The following UNC79 variants were observed in gnomAD, a reference collection of about 807,000 sequenced individuals.
UNC79 encodes protein unc-79 homolog.
A neutral mutation model predicts 283.1 loss-of-function variants in UNC79; 37 were observed. The observed-to-expected ratio is 0.13, with a 90% CI of 0.10 to 0.17. UNC79 has a LOEUF of 0.17. Ranked by LOEUF, UNC79 falls within the 10% of genes least tolerant of loss-of-function variation. UNC79 has a pLI of 1.00. For missense variants in UNC79, 2,272 were observed against 3,211.1 expected (o/e 0.71, Z 7.07); for synonymous variants, 1,107 against 1,200.2 (o/e 0.92, Z 1.61).
chr14:93,534,172 C>A (rs2060957022), intron 11 of UNC79, among the ~76,000 whole-genome samples: 1 of 152,196 alleles, frequency 6.6e-6, no homozygotes, highest in Non-Finnish European at 1.5e-5. Flanking sequence ...TCCTCTGTCT[C>A]CAGGAATAGC....
At chr14:93,469,332 T>C (rs561481827) in intron 2 of UNC79, among the ~76,000 whole-genome samples, 59 of 152,312 alleles carry the variant, frequency 3.9e-4, no homozygotes, top group Admixed American at 3.5e-3. Flanking sequence ...GCAACTGAGC[T>C]GAGTTCATTT....
At chr14:93,401,300 G>A (rs2055103524) in intron 1 of UNC79, among the ~76,000 whole-genome samples, 4 of 152,170 alleles carry the variant, frequency 2.6e-5, no homozygotes, top group Admixed American at 1.3e-4. Flanking sequence ...AGTTTTTGAG[G>A]GGTAGGATAC....
At chr14:93,522,829 A>G (rs559925190) in intron 7 of UNC79, among the ~76,000 whole-genome samples, 5 of 152,238 alleles carry the variant, frequency 3.3e-5, no homozygotes, top group South Asian at 2.1e-4. Context: ...TCTGGTAACT[A>G]TATTTCCGTG....
chr14:93,677,154 C>T (rs1464199816), intron 41 of UNC79, among the ~76,000 whole-genome samples: 1 of 152,120 alleles, frequency 6.6e-6, no homozygotes, highest in African/African-American at 2.4e-5. Flanking sequence ...ATTTTTATTT[C>T]TAATCAGAGA....
At chr14:93,392,258 T>C (rs978514128) in intron 1 of UNC79, among the ~76,000 whole-genome samples, 7 of 152,144 alleles carry the variant, frequency 4.6e-5, no homozygotes, top group Non-Finnish European at 8.8e-5. Flanking sequence ...ATGTAACAAA[T>C]GACAGCTTCA....
intron 3 of UNC79, among the ~76,000 whole-genome samples, chr14:93,476,085 G>A (rs976343439): frequency 2.0e-5 from 3 of 152,122 alleles, no homozygotes; most frequent in African/African-American, 2.4e-5. Context: ...CCCACCCGGG[G>A]ACTAGTTACT....
At position 93,617,739 on chromosome 14, in the gene UNC79, C is replaced by G. The variant is rs2066830501; in HGVS notation, c.4224+435C>G. On this transcript the variant is annotated intron_variant, in intron 28 of 48. Coordinates refer to ENST00000555664, the Ensembl canonical transcript of UNC79. This position sits in a 1 kb window ranked among gnomAD's most constrained non-coding sequence, Gnocchi z 4.5. ...GTGAAGGAGGAAATGAATATGGTCC[C>G]TTGTAAAAATAAGGCCATGGGGGAG... Among the ~76,000 whole-genome samples, 1 of 152,062 alleles carries G rather than the reference C, an allele frequency of 6.6e-6. No homozygotes were observed. Among genetic ancestry groups the G allele is most frequent in the Non-Finnish European group, 1.5e-5 (1 of 67,998 alleles).
chr14:93,633,685 A>AC, intron 31 of UNC79, among the ~76,000 whole-genome samples: 1 of 152,266 alleles, frequency 6.6e-6, no homozygotes. Flanking sequence ...TGGGAATAGG[A>AC]CCAGAGGAGA....
At chr14:93,636,419 G>A (rs1028310820) in intron 31 of UNC79, among the ~76,000 whole-genome samples, 7 of 152,028 alleles carry the variant, frequency 4.6e-5, no homozygotes, top group African/African-American at 1.5e-4. Context: ...CCTCACATCC[G>A]AGCCTAGGGG....
intron 14 of UNC79, among the ~76,000 whole-genome samples, chr14:93,570,150 T>C (rs1434756615): frequency 6.6e-6 from 1 of 152,148 alleles, no homozygotes; most frequent in East Asian, 1.9e-4. Flanking sequence ...GGTCTCACTG[T>C]GCTGCTCAGG....
intron 1 of UNC79, among the ~76,000 whole-genome samples, chr14:93,457,223 G>A (rs562156386): frequency 6.6e-6 from 1 of 152,324 alleles, no homozygotes; most frequent in East Asian, 1.9e-4. Flanking sequence ...CTTATTAAAT[G>A]CTGGATGTGC....
chr14:93,646,541 C>T (rs1292948021), intron 34 of UNC79, 67 bp from the exon 38 acceptor site: 18 of 1,516,040 alleles, frequency 1.2e-5, no homozygotes, highest in Non-Finnish European at 1.6e-5. Flanking sequence ...GGTCCTCCCA[C>T]AATATTAATG....
In UNC79 at chr14:93,621,489, G is replaced by A; in HGVS notation, c.4388-132G>A. 8.4e-7 allele frequency: 1 copy of A among 1,196,734 alleles called. No homozygotes were observed. Among genetic ancestry groups the A allele is most frequent in the South Asian group, 2.3e-5 (1 of 43,592 alleles). 74.1% of individuals were successfully genotyped at this position (1,196,734 alleles called of 1,614,324 possible). A position where few individuals can be genotyped will look rare whatever the true frequency, so the allele number is the denominator to read the frequency against. ...AACGAACCTTACAAAAACTTGGCCA[G>A]AAAGTTCGTTTTCCCTCCTGGTGGA... is the stretch of plus-strand genomic sequence containing the variant. On this transcript the variant is annotated intron_variant, in intron 29 of 48. Transcript: ENST00000555664. This position sits in a 1 kb window ranked among gnomAD's most constrained non-coding sequence, Gnocchi z 4.8.
chr14:93,496,461 TG>T lies in UNC79; in HGVS notation c.765del (p.Trp255Ter). 1 of 1,547,658 alleles carries T rather than the reference TG, an allele frequency of 6.5e-7. No individual in the cohort carries two copies. The highest frequency in any genetic ancestry group is 1.3e-5 in the South Asian group (1 of 77,432). On this transcript the variant is annotated frameshift_variant, in exon 6 of 49. Transcript: ENST00000555664. LOFTEE classifies it high-confidence loss of function. ...CCTCATGAAATATAAACAAGAAGTC[TG>T]GAAAGTAAGTTTTGGGTCAAATTTA...
chr14:93,367,681 G>A (rs1227837505), intron 1 of UNC79, among the ~76,000 whole-genome samples: 1 of 152,144 alleles, frequency 6.6e-6, no homozygotes, highest in East Asian at 1.9e-4. Flanking sequence ...TAAAAGATTA[G>A]TAATCACAAC....
At chr14:93,476,823 T>C (rs1415678920) in intron 3 of UNC79, among the ~76,000 whole-genome samples, 2 of 152,236 alleles carry the variant, frequency 1.3e-5, no homozygotes, top group Admixed American at 6.5e-5. Flanking sequence ...ATTTTTATTC[T>C]TGTGCAGGTA....
intron 1 of UNC79, among the ~76,000 whole-genome samples, chr14:93,449,332 G>GT (rs1167605522): frequency 4.3e-4 from 66 of 152,214 alleles, no homozygotes; most frequent in African/African-American, 1.6e-3. Context: ...TTTTAGATTC[G>GT]TTTCTTAAAT....
chr14:93,342,667 CTGTTT>C (rs754637801), intron 1 of UNC79, among the ~76,000 whole-genome samples: 2 of 152,206 alleles, frequency 1.3e-5, no homozygotes, highest in African/African-American at 2.4e-5. Context: ...TGCTCTGCTT[CTGTTT>C]TAAGCATAAG....
intron 7 of UNC79, among the ~76,000 whole-genome samples, chr14:93,517,589 A>G (rs529674556): frequency 3.3e-5 from 5 of 151,582 alleles, no homozygotes; most frequent in Non-Finnish European, 7.4e-5. Flanking sequence ...AGATGATTAT[A>G]TGATTTCTTC....
Sources: gnomAD v4.1 joint callset for allele counts (sites outside exome capture counted in the v4.1 genomes callset) on GRCh38, gnomAD v4.1.1 for gene constraint, Gnocchi (gnomAD v3.1) non-coding constraint, MANE v1.5 for transcripts, NCBI Gene and HGNC (gene_info 2026-07-23, HGNC 2026-07-21) for gene names.